MDH1: variants seen among roughly 807,000 people sequenced by gnomAD.
MDH1 encodes malate dehydrogenase 1.
A neutral mutation model predicts 38.7 loss-of-function variants in MDH1; 15 were observed. That is an observed-to-expected ratio of 0.39 (90% CI 0.26 to 0.60). The LOEUF (loss-of-function observed/expected upper bound fraction) is 0.60. Ranked by LOEUF, MDH1 falls within the 20% of genes least tolerant of loss-of-function variation. The pLI, the probability that MDH1 is intolerant of heterozygous loss-of-function variation, is 0.56. For synonymous variants in MDH1, 144 were observed against 143.6 expected, an observed-to-expected ratio of 1.00 and a Z score of -0.02; for missense variants, 368 against 405.2, an observed-to-expected ratio of 0.91 and a Z score of 0.79.
chr2:63,606,934 A>G lies in MDH1; in HGVS notation c.952A>G (p.Lys318Glu), dbSNP rs546020380. 19 of 1,613,076 alleles carry G rather than the reference A, an allele frequency of 1.2e-5. No homozygotes were observed. In the East Asian group the frequency reaches 1.6e-4, roughly 13 times the overall value. The change falls in exon 9 of 9, where the codon AAG becomes GAG. Residue 318 changes from lysine to glutamate, a missense_variant. By Grantham distance (56) the Lys-to-Glu change is moderately conservative. Transcript: ENST00000233114. ...FSREKMDLTA[K>E]ELTEEKESAF... Reference sequence around the variant, plus strand: ...ACGTGAGAAGATGGATCTTACTGCAAAGGAACTGACAGAAGAAAAAGAAAG... The same window carrying G: ...ACGTGAGAAGATGGATCTTACTGCAGAGGAACTGACAGAAGAAAAAGAAAG...
chr2:63,597,954 A>G (rs1235797404), intron 4 of MDH1: 1 of 153,998 alleles, frequency 6.5e-6, no homozygotes, highest in East Asian at 1.9e-4. Context: ...ATTCTCAGGA[A>G]TAGAAGATAG....
intron 1 of MDH1, among the ~76,000 whole-genome samples, chr2:63,592,140 T>C (rs1283121339): frequency 1.3e-5 from 2 of 152,190 alleles, no homozygotes; most frequent in Non-Finnish European, 2.9e-5. Flanking sequence ...TGGCCTAAAA[T>C]AGTACCAAGT....
At position 63,604,838 on chromosome 2, in the gene MDH1, A is replaced by AAC. The variant is rs750621810; in HGVS notation, c.642_643insCA (p.Asp215GlnfsTer78). On this transcript the variant is annotated frameshift_variant, in exon 6 of 9. Transcript: ENST00000233114. LOFTEE classifies it high-confidence loss of function. ...GAAGTTGGTGTTTATGAAGCTCTGA[A>AAC]AGATGACAGCTGGCTCAAGGGAGAA... 6.2e-7 allele frequency: 1 copy of AAC among 1,614,206 alleles called. No individual in the cohort carries two copies. Among genetic ancestry groups the AAC allele is most frequent in the Admixed American group, 1.7e-5 (1 of 60,022 alleles).
chr2:63,595,483 A>G lies in MDH1; in HGVS notation c.163A>G (p.Met55Val). Residue 55 changes from methionine to valine, a missense_variant, in exon 3 of 9, where the codon ATG becomes GTG. Met to Val is a conservative substitution (Grantham distance 21, BLOSUM62 1). Transcript: ENST00000233114. The part of the protein sequence containing the change: ...PMMGVLDGVL[M>V]ELQDCALPLL... Reference sequence around the variant, plus strand: ...GATGGGTGTCCTGGACGGTGTCCTAATGGAACTGCAAGACTGTGCCCTTCC... The same window carrying G: ...GATGGGTGTCCTGGACGGTGTCCTAGTGGAACTGCAAGACTGTGCCCTTCC... The G allele has an allele frequency of 6.2e-7, 1 of 1,613,140 alleles. No individual in the cohort carries two copies. The highest frequency in any genetic ancestry group is 8.5e-7 in the Non-Finnish European group (1 of 1,179,130).
chr2:63,604,042 G>C (rs1575726447), intron 5 of MDH1, among the ~76,000 whole-genome samples: 1 of 152,322 alleles, frequency 6.6e-6, no homozygotes, highest in East Asian at 1.9e-4. Flanking sequence ...GCTTTCTGGA[G>C]TTATAGCTAG....
Position 63,594,538 on chromosome 2 carries a change from T to C in MDH1, c.54T>C (p.Tyr18=), listed in dbSNP as rs778744809. The change falls in exon 2 of 9, where the codon TAT becomes TAC. Residue 18 remains tyrosine, a synonymous_variant. Transcript: ENST00000233114. ...LVTGAAGQIA[Y]SLLYSIGNGS... is the part of the protein sequence containing the mutation. ...CTGGAGCAGCTGGTCAAATTGCATA[T>C]TCACTGCTGTACAGTATTGGAAATG... is the stretch of plus-strand genomic sequence containing the variant. 1 of 1,613,948 alleles carries C rather than the reference T, an allele frequency of 6.2e-7. No homozygotes were observed. Among genetic ancestry groups the C allele is most frequent in the South Asian group, 1.1e-5 (1 of 91,082 alleles).
chr2:63,603,364 G>A (rs1709465454), intron 5 of MDH1, among the ~76,000 whole-genome samples: 1 of 152,044 alleles, frequency 6.6e-6, no homozygotes, highest in Non-Finnish European at 1.5e-5. Flanking sequence ...TTCTTACATG[G>A]TAAATACTCA....
At position 63,606,855 on chromosome 2, in the gene MDH1, C is replaced by G. The variant is rs932760921; in HGVS notation, c.880-7C>G. 6.3e-7 allele frequency: 1 copy of G among 1,595,724 alleles called. No homozygotes were observed. The highest frequency in any genetic ancestry group is 1.8e-5 in the Admixed American group (1 of 56,930). ...TTAAATCTCTTATTTGCATTATTTT[C>G]AAACAGAATAAGACCTGGAAGTTTG... On this transcript the variant is annotated splice_polypyrimidine_tract_variant and splice_region_variant and intron_variant, in intron 8 of 8. Transcript: ENST00000233114.
At chr2:63,595,351 T>C (rs1398392415) in intron 2 of MDH1, 72 bp from the exon 3 acceptor site, 3 of 939,260 alleles carry the variant, frequency 3.2e-6, no homozygotes, top group African/African-American at 3.2e-5. Flanking sequence ...AAATAAAAAC[T>C]ATGTGAAAAG....
At position 63,595,563 on chromosome 2, in the gene MDH1, T is replaced by C. The variant is rs140205662; in HGVS notation, c.199+44T>C. ...AAGGGATTTTATGGTATTTGATTTC[T>C]TACAAAATACAGGTTTTAGGTTTTT... On this transcript the variant is annotated intron_variant, in intron 3 of 8. Transcript: ENST00000233114. The C allele has an allele frequency of 5.4e-5, 66 of 1,229,288 alleles. No individual in the cohort carries two copies. In the East Asian group the frequency reaches 1.5e-3, roughly 27 times the overall value. The allele number at this position is 1,229,288 out of a possible 1,614,324, so 76.1% of individuals were successfully genotyped here. A position where few individuals can be genotyped will look rare whatever the true frequency, so the allele number is the denominator to read the frequency against.
In MDH1 at chr2:63,594,486, A is replaced by C; in HGVS notation, c.4-2A>C. 1 of 1,609,388 alleles carries C rather than the reference A, an allele frequency of 6.2e-7. No homozygotes were observed. The highest frequency in any genetic ancestry group is 8.5e-7 in the Non-Finnish European group (1 of 1,175,824). ...GATGTTAATGGGTCTTTTTCATTAC[A>C]GTCTGAACCAATCAGAGTCCTTGTG... On this transcript the variant is annotated splice_acceptor_variant, in intron 1 of 8. Coordinates refer to ENST00000233114, the MANE Select transcript of MDH1 (RefSeq NM_005917.4). LOFTEE classifies it high-confidence loss of function.
chr2:63,593,105 T>C (rs1709231067), intron 1 of MDH1: 1 of 152,642 alleles, frequency 6.6e-6, no homozygotes, highest in Non-Finnish European at 1.5e-5. Context: ...TTGTTGTTTT[T>C]TGTTTTTTTT....
chr2:63,592,108 C>T (rs1266350886), intron 1 of MDH1, among the ~76,000 whole-genome samples: 1 of 152,134 alleles, frequency 6.6e-6, no homozygotes, highest in Non-Finnish European at 1.5e-5. Context: ...GTTTCCTTCA[C>T]GTGATTCACC....
Position 63,597,420 on chromosome 2 carries a change from A to G in MDH1, c.221A>G (p.Glu74Gly). 1 of 1,444,878 alleles carries G rather than the reference A, an allele frequency of 6.9e-7. No individual in the cohort carries two copies. The highest frequency in any genetic ancestry group is 9.2e-7 in the Non-Finnish European group (1 of 1,088,020). 89.5% of individuals were successfully genotyped at this position (1,444,878 alleles called of 1,614,324 possible). ...ACAGATGTCATCGCAACAGATAAAG[A>G]AGACGTTGCCTTCAAAGACCTGGAT... ...LLKDVIATDK[E>G]DVAFKDLDVA... Residue 74 changes from glutamate (E) to glycine (G), a missense_variant, in exon 4 of 9, where the codon GAA becomes GGA. By Grantham distance (98) the Glu-to-Gly change is moderately conservative. Coordinates refer to ENST00000233114, the MANE Select transcript of MDH1 (RefSeq NM_005917.4).
intron 1 of MDH1, among the ~76,000 whole-genome samples, chr2:63,592,070 T>C (rs985675356): frequency 6.6e-6 from 1 of 152,188 alleles, no homozygotes; most frequent in Non-Finnish European, 1.5e-5. Flanking sequence ...TCTAGCCCCC[T>C]GTTTTAGAAA....
intron 2 of MDH1, among the ~76,000 whole-genome samples, 177 bp from the exon 3 acceptor site, chr2:63,595,246 C>T (rs1709284517): frequency 6.6e-6 from 1 of 152,122 alleles, no homozygotes; most frequent in Non-Finnish European, 1.5e-5. Context: ...GGTTTTATAG[C>T]ATCCTTCTTT....
chr2:63,590,288 G>T (rs6546018), intron 1 of MDH1: 122,221 of 152,170 alleles, frequency 0.8, 49,746 homozygotes, highest in East Asian at 0.98. Context: ...ATCTTAAAAT[G>T]GAGTTTATCG....
intron 1 of MDH1, chr2:63,593,071 G>C (rs1015090965): frequency 6.5e-6 from 1 of 152,884 alleles, no homozygotes; most frequent in East Asian, 1.9e-4. Flanking sequence ...CTCTACACCA[G>C]TTGACACTTT....
intron 5 of MDH1, among the ~76,000 whole-genome samples, chr2:63,603,681 A>G (rs1029396963): frequency 1.0e-4 from 13 of 130,156 alleles, no homozygotes; most frequent in Non-Finnish European, 2.0e-4. Context: ...TTTTTTTGAG[A>G]CAGTCTCGCT....
Sources: allele counts gnomAD v4.1 joint callset (sites outside exome capture counted in the v4.1 genomes callset), GRCh38; gene constraint gnomAD v4.1.1; transcripts MANE v1.5; gene names NCBI Gene and HGNC (gene_info 2026-07-23, HGNC 2026-07-21).